Variants in CHD7 observed in about 807,000 individuals in gnomAD.
The protein encoded by CHD7 is chromodomain helicase DNA binding protein 7, also known as ATP-dependent chromatin remodeler CHD7.
CHD7 carries 24 observed loss-of-function variants against 307.3 expected under a neutral mutation model. The ratio of observed to expected loss-of-function variants is 0.08; its 90% confidence interval spans 0.06 to 0.11. The LOEUF is 0.11. Among genes scored for constraint, CHD7 ranks in the 10% least tolerant of loss-of-function variants. The pLI is 1.00. For synonymous variants in CHD7, 1,363 were observed against 1,349.9 expected (o/e 1.01, Z -0.21); for missense variants, 3,106 against 3,727.1 (o/e 0.83, Z 4.34).
At chr8:60,854,256 C>T in intron 31 of CHD7, 107 bp from the exon 32 acceptor site, 1 of 915,116 alleles carries the variant, frequency 1.1e-6, no homozygotes, top group East Asian at 2.6e-5. Flanking sequence ...AGTAGGTACT[C>T]AATAAAATGG....
chr8:60,695,617 C>T (rs979368050), intron 1 of CHD7, among the ~76,000 whole-genome samples: 2 of 152,106 alleles, frequency 1.3e-5, no homozygotes, highest in African/African-American at 4.8e-5. Flanking sequence ...ACTAAAAAGG[C>T]GCATCAGCAT....
chr8:60,850,692 T>C, intron 26 of CHD7, 70 bp downstream of exon 26: 3 of 1,470,706 alleles, frequency 2.0e-6, no homozygotes, highest in Non-Finnish European at 2.8e-6. Flanking sequence ...GGTTCAGTTC[T>C]TACCCTGCAG....
At chr8:60,814,321 G>A (rs995537378) in intron 7 of CHD7, among the ~76,000 whole-genome samples, 4 of 152,212 alleles carry the variant, frequency 2.6e-5, no homozygotes, top group Non-Finnish European at 4.4e-5. Context: ...TACACAGGTG[G>A]TGCTTTGAAG....
At chr8:60,820,435 C>T (rs1458893266) in intron 9 of CHD7, among the ~76,000 whole-genome samples, 1 of 152,138 alleles carries the variant, frequency 6.6e-6, no homozygotes. Context: ...TTGAGTGTCT[C>T]TTGTGGCAGA....
intron 1 of CHD7, among the ~76,000 whole-genome samples, chr8:60,680,086 C>A (rs575789612): frequency 6.6e-6 from 1 of 151,530 alleles, no homozygotes; most frequent in Non-Finnish European, 1.5e-5. Context: ...AACCTTCCAA[C>A]GCAACTCGGC....
At chr8:60,762,701 C>T (rs1329356355) in intron 2 of CHD7, among the ~76,000 whole-genome samples, 1 of 152,198 alleles carries the variant, frequency 6.6e-6, no homozygotes, top group Non-Finnish European at 1.5e-5. Context: ...CTAGTATACT[C>T]TGTTGCCCCC....
At chr8:60,759,347 T>C (rs544494411) in intron 2 of CHD7, among the ~76,000 whole-genome samples, 5 of 152,198 alleles carry the variant, frequency 3.3e-5, no homozygotes, top group African/African-American at 1.2e-4. Flanking sequence ...AGCAAACCTA[T>C]TGTTTCTGAT....
At position 60,742,285 on chromosome 8, in the gene CHD7, G is replaced by C; in HGVS notation, c.853G>C (p.Val285Leu). The change falls in exon 2 of 38, where the codon GTT becomes CTT. Residue 285 changes from valine to leucine, a missense_variant. By Grantham distance (32) the Val-to-Leu change is conservative. Around this residue, in one of 10 missense-constraint regions of CHD7, gnomAD observed 998 missense variants for 1,004.5 expected, o/e 0.99. Coordinates refer to ENST00000423902, the MANE Select transcript of CHD7 (RefSeq NM_017780.4). ...FSPNPPQQGA[V>L]RPQTLNFSSR... ...CCCGAATCCTCCCCAACAAGGGGCTGTTAGGCCGCAAACCCTTAACTTTAG... is the reference window on the plus strand; with the variant it reads ...CCCGAATCCTCCCCAACAAGGGGCTCTTAGGCCGCAAACCCTTAACTTTAG... The C allele has an allele frequency of 6.2e-7, 1 of 1,613,906 alleles. No individual in the cohort carries two copies. Among genetic ancestry groups the C allele is most frequent in the Non-Finnish European group, 8.5e-7 (1 of 1,179,888 alleles).
chr8:60,682,096 T>C (rs1209849511), intron 1 of CHD7, among the ~76,000 whole-genome samples: 1 of 152,212 alleles, frequency 6.6e-6, no homozygotes, highest in South Asian at 2.1e-4. Context: ...AGGAAAGAAA[T>C]AACTTTTTTT....
At chr8:60,800,127 TTC>T (rs1393697042) in intron 4 of CHD7, among the ~76,000 whole-genome samples, 1 of 151,934 alleles carries the variant, frequency 6.6e-6, no homozygotes, top group African/African-American at 2.4e-5. Flanking sequence ...ACCTCGTGGG[TTC>T]GCGCCATTCT....
intron 3 of CHD7, among the ~76,000 whole-genome samples, chr8:60,787,008 T>TG (rs1230387603): frequency 6.6e-6 from 1 of 152,148 alleles, no homozygotes; most frequent in African/African-American, 2.4e-5. Context: ...AAATAGGAAA[T>TG]GGAGAGTGCA....
At chr8:60,692,043 G>A (rs1279439792) in intron 1 of CHD7, among the ~76,000 whole-genome samples, 5 of 152,090 alleles carry the variant, frequency 3.3e-5, no homozygotes, top group African/African-American at 7.2e-5. Context: ...TGAAACTTAC[G>A]AAGCAATGTG....
chr8:60,769,169 C>G (rs1216219691), intron 2 of CHD7, among the ~76,000 whole-genome samples: 1 of 152,148 alleles, frequency 6.6e-6, no homozygotes, highest in East Asian at 1.9e-4. Flanking sequence ...TTTAAGAACT[C>G]TAACTAAGGC....
intron 32 of CHD7, 110 bp downstream of exon 32, chr8:60,854,633 A>G (rs1256738487): frequency 4.3e-6 from 4 of 919,674 alleles, no homozygotes; most frequent in African/African-American, 3.3e-5. Context: ...TTGACACAGT[A>G]TATGAAGACT....
rs1280156879 is a variant in CHD7 at position 60,856,360 on chromosome 8, C to G, written c.7165-85C>G. On this transcript the variant is annotated intron_variant, in intron 33 of 37. Transcript: ENST00000423902. ...CATGAATGCTTAATTCCTTAAGCTT[C>G]TTGTTCCTTATTTCTAAAAGCCAGC... 36 of 1,359,436 alleles carry G rather than the reference C, an allele frequency of 2.6e-5. No individual in the cohort carries two copies. In the East Asian group the frequency reaches 8.2e-4, roughly 31 times the overall value. The allele number at this position is 1,359,436 out of a possible 1,614,324, so 84.2% of individuals were successfully genotyped here. A position where few individuals can be genotyped will look rare whatever the true frequency, so the allele number is the denominator to read the frequency against.
chr8:60,801,471 T>TA, intron 5 of CHD7, 57 bp from the exon 6 acceptor site: 1 of 1,309,570 alleles, frequency 7.6e-7, no homozygotes, highest in Non-Finnish European at 1.1e-6. Context: ...TTCTTGCTCT[T>TA]ATAGCTTAGG....
At chr8:60,728,557 G>T (rs979663303) in intron 1 of CHD7, among the ~76,000 whole-genome samples, 2 of 152,030 alleles carry the variant, frequency 1.3e-5, no homozygotes, top group Non-Finnish European at 2.9e-5. Flanking sequence ...AGACAGTCTC[G>T]CTCTGTCGCC....
chr8:60,843,956 C>T (rs1333809876), intron 21 of CHD7, among the ~76,000 whole-genome samples: 1 of 152,214 alleles, frequency 6.6e-6, no homozygotes, highest in Non-Finnish European at 1.5e-5. Context: ...AAGTGAGAGG[C>T]AGGGCCTGAG....
intron 4 of CHD7, among the ~76,000 whole-genome samples, chr8:60,799,888 G>GGC (rs1812211835): frequency 6.6e-6 from 1 of 152,074 alleles, no homozygotes; most frequent in South Asian, 2.1e-4. Flanking sequence ...CCAGGCGTCT[G>GGC]ACTCCAGATT....
Sources: allele counts gnomAD v4.1 joint callset (sites outside exome capture counted in the v4.1 genomes callset), GRCh38; gene constraint gnomAD v4.1.1; regional missense constraint gnomAD v4.1.1; transcripts MANE v1.5; gene names NCBI Gene and HGNC (gene_info 2026-07-23, HGNC 2026-07-21).